ICA1: variants seen among roughly 807,000 people sequenced by gnomAD.
ICA1 encodes islet cell autoantigen 1.
In ICA1, 40 loss-of-function variants were observed where a neutral mutation model predicts 71.0. The ratio of observed to expected loss-of-function variants is 0.56; its 90% CI spans 0.44 to 0.73. The LOEUF (loss-of-function observed/expected upper bound fraction) is 0.73, where lower values mean the gene tolerates loss of function less well. Among genes scored for constraint, ICA1 ranks in the 30% least tolerant of loss-of-function variants. The pLI is 0.00. For missense variants in ICA1, 578 were observed against 576.5 expected, an observed-to-expected ratio of 1.00 and a Z score of -0.03; for synonymous variants, 207 against 209.5, an observed-to-expected ratio of 0.99 and a Z score of 0.10.
chr7:8,185,551 G>T (rs1466688316), intron 6 of ICA1, among the ~76,000 whole-genome samples: 1 of 152,160 alleles, frequency 6.6e-6, no homozygotes, highest in Non-Finnish European at 1.5e-5. Flanking sequence ...AACTGGGATG[G>T]GGCACATCAA....
intron 1 of ICA1, among the ~76,000 whole-genome samples, chr7:8,241,380 A>C (rs909788236): frequency 5.4e-4 from 82 of 152,232 alleles, no homozygotes; most frequent in African/African-American, 1.9e-3. Context: ...GATTTTTGTC[A>C]CCACCAGGTC....
chr7:8,232,230 G>A (rs1800475423), intron 3 of ICA1, among the ~76,000 whole-genome samples: 1 of 152,136 alleles, frequency 6.6e-6, no homozygotes, highest in Non-Finnish European at 1.5e-5. Flanking sequence ...TTTTACCTGA[G>A]TTCTTCTTTT....
intron 6 of ICA1, among the ~76,000 whole-genome samples, chr7:8,186,010 A>T (rs1392836799): frequency 1.3e-5 from 2 of 152,334 alleles, no homozygotes; most frequent in East Asian, 3.9e-4. Context: ...AATAATCATG[A>T]TACACATTAG....
intron 6 of ICA1, among the ~76,000 whole-genome samples, chr7:8,187,698 A>G (rs1456539970): frequency 2.0e-5 from 3 of 152,248 alleles, no homozygotes; most frequent in Non-Finnish European, 4.4e-5. Context: ...CACATTGTAC[A>G]ACTGTACAAA....
chr7:8,247,953 A>G (rs1255677821), intron 1 of ICA1, among the ~76,000 whole-genome samples: 3 of 152,184 alleles, frequency 2.0e-5, no homozygotes, highest in Non-Finnish European at 2.9e-5. Flanking sequence ...GTTCTTTCAT[A>G]CACTAAAACT....
chr7:8,116,409 C>T (rs570600219), intron 13 of ICA1: 20 of 152,010 alleles, frequency 1.3e-4, no homozygotes, highest in African/African-American at 4.8e-4. Context: ...TGGTTGCCTC[C>T]GAATAAAAAT....
intron 13 of ICA1, among the ~76,000 whole-genome samples, chr7:8,117,545 T>C (rs140116375): frequency 3.3e-5 from 5 of 152,366 alleles, no homozygotes; most frequent in African/African-American, 1.2e-4. Context: ...TTTTTTGTTT[T>C]TCAATTTGCT....
chr7:8,242,745 C>A (rs1455741476), intron 1 of ICA1, among the ~76,000 whole-genome samples: 1 of 152,150 alleles, frequency 6.6e-6, no homozygotes, highest in East Asian at 1.9e-4. Flanking sequence ...CACCACCGAT[C>A]CCACAGAAAT....
At chr7:8,205,113 G>A (rs1454927736) in intron 6 of ICA1, among the ~76,000 whole-genome samples, 1 of 148,934 alleles carries the variant, frequency 6.7e-6, no homozygotes, top group East Asian at 1.9e-4. Context: ...GGTGGGCTAA[G>A]CTAATTCTTT....
chr7:8,120,805 T>C (rs1786614573), intron 13 of ICA1, among the ~76,000 whole-genome samples: 1 of 152,232 alleles, frequency 6.6e-6, no homozygotes, highest in Non-Finnish European at 1.5e-5. Context: ...GCCGGCCAGC[T>C]ACAGCAGCAA....
intron 6 of ICA1, among the ~76,000 whole-genome samples, chr7:8,191,972 C>T (rs906178963): frequency 1.3e-5 from 2 of 152,094 alleles, no homozygotes; most frequent in African/African-American, 4.8e-5. Context: ...AACATTACTA[C>T]ATTTGTTTCA....
chr7:8,138,314 C>T (rs530245260), intron 12 of ICA1, among the ~76,000 whole-genome samples: 1 of 152,286 alleles, frequency 6.6e-6, no homozygotes, highest in African/African-American at 2.4e-5. Flanking sequence ...CAGTAAATCA[C>T]CCACAAAACA....
At chr7:8,159,617 T>C (rs1802973168) in intron 6 of ICA1, among the ~76,000 whole-genome samples, 1 of 152,020 alleles carries the variant, frequency 6.6e-6, no homozygotes, top group African/African-American at 2.4e-5. Flanking sequence ...GGAGGATCAC[T>C]TGAGCGTGGG....
intron 12 of ICA1, among the ~76,000 whole-genome samples, chr7:8,131,643 C>G (rs940598033): frequency 4.6e-5 from 7 of 152,142 alleles, no homozygotes; most frequent in Non-Finnish European, 8.8e-5. Flanking sequence ...AACACAAAAA[C>G]CTCCCAATTA....
chr7:8,216,749 A>G (rs1217836154), intron 6 of ICA1, among the ~76,000 whole-genome samples: 1 of 152,220 alleles, frequency 6.6e-6, no homozygotes, highest in Non-Finnish European at 1.5e-5. Flanking sequence ...ATTCTCTCTT[A>G]GAGAAGAAAA....
chr7:8,218,358 C>T lies in ICA1; in HGVS notation c.526G>A (p.Val176Met), dbSNP rs148267518. 5.9e-4 allele frequency: 960 copies of T among 1,614,010 alleles called. 12 individuals carry two copies. The highest frequency in any genetic ancestry group is 1.3e-4 in the Non-Finnish European group (153 of 1,180,000). ...AGGTCTGGATCAAGCTCCTGAGACACGTCCTTCATCCATAATAGTGCTCCT... is the reference window on the plus strand; with the variant it reads ...AGGTCTGGATCAAGCTCCTGAGACATGTCCTTCATCCATAATAGTGCTCCT... ...YRGALLWMKDVSQELDPDLYK... is the reference protein window; with the variant it reads ...YRGALLWMKDMSQELDPDLYK... Residue 176 changes from valine (V) to methionine (M), a missense_variant, in exon 6 of 14, where the codon GTG (valine) becomes ATG (methionine). By Grantham distance (21) the Val-to-Met change is conservative (BLOSUM62 1). Coordinates refer to ENST00000402384, the MANE Select transcript of ICA1 (RefSeq NM_001136020.3).
intron 12 of ICA1, among the ~76,000 whole-genome samples, chr7:8,135,162 G>A (rs1792968112): frequency 6.6e-6 from 1 of 152,066 alleles, no homozygotes; most frequent in South Asian, 2.1e-4. Context: ...GAGTAGCTGG[G>A]ATTACAGATG....
chr7:8,139,906 A>G (rs1794642938), intron 10 of ICA1, among the ~76,000 whole-genome samples: 1 of 152,246 alleles, frequency 6.6e-6, no homozygotes, highest in African/African-American at 2.4e-5. Flanking sequence ...TATGTTCATT[A>G]GCCTTTCTGC....
intron 8 of ICA1, among the ~76,000 whole-genome samples, chr7:8,150,211 T>A (rs2128156798): frequency 6.6e-6 from 1 of 152,206 alleles, no homozygotes; most frequent in East Asian, 1.9e-4. Context: ...TGGTCTCCAC[T>A]CCTTGGAGGT....
Sources: gnomAD v4.1 joint callset for allele counts (sites outside exome capture counted in the v4.1 genomes callset) on GRCh38, gnomAD v4.1.1 for gene constraint, MANE v1.5 for transcripts, NCBI Gene and HGNC (gene_info 2026-07-23, HGNC 2026-07-21) for gene names.